The following MYT1L variants were observed in gnomAD, a reference collection of about 807,000 sequenced individuals.
The protein encoded by MYT1L is myelin transcription factor 1-like protein.
In MYT1L, 12 loss-of-function variants were observed where a neutral mutation model predicts 126.7. That is an observed-to-expected ratio of 0.09 (90% confidence interval 0.06 to 0.15). The LOEUF (loss-of-function observed/expected upper bound fraction) is 0.15, where lower values mean the gene tolerates loss of function less well. Ranked by LOEUF, MYT1L falls within the 10% of genes least tolerant of loss-of-function variation. The pLI, the probability that MYT1L is intolerant of heterozygous loss-of-function variation, is 1.00. For synonymous variants in MYT1L, 541 were observed against 604.2 expected, an observed-to-expected ratio of 0.90 and a Z score of 1.53; for missense variants, 979 against 1,585.2, an observed-to-expected ratio of 0.62 and a Z score of 6.49.
chr2:2,063,203 C>A (rs189507762), intron 3 of MYT1L, among the ~76,000 whole-genome samples: 1 of 152,132 alleles, frequency 6.6e-6, no homozygotes, highest in Non-Finnish European at 1.5e-5. Context: ...TAAATGTGTT[C>A]TCATTCAGCA....
chr2:1,874,718 T>C (rs949710828), intron 18 of MYT1L, among the ~76,000 whole-genome samples: 4 of 152,162 alleles, frequency 2.6e-5, no homozygotes, highest in African/African-American at 9.6e-5. Context: ...GCCACCTCCA[T>C]GTGATGCTGC....
rs187448543 is a variant in MYT1L at position 2,217,901 on chromosome 2, T to C, written c.-420-44913A>G. Among the ~76,000 whole-genome samples the C allele has an allele frequency of 1.5e-4, 23 of 152,286 alleles. No individual in the cohort carries two copies. In the East Asian group the frequency reaches 4.4e-3, roughly 29 times the overall value. On this transcript the variant is annotated intron_variant, in intron 2 of 24. Transcript: ENST00000647738. ...AAGATCAGCACCACATTTTTTAAAA[T>C]GAGCAAAAGATCTGAACAGACCTTT...
chr2:1,993,537 A>C lies in MYT1L; in HGVS notation c.-1+3654T>G, dbSNP rs529150276. 2.0e-5 allele frequency among the ~76,000 whole-genome samples: 3 copies of C among 152,286 alleles called. No individual in the cohort carries two copies. In the South Asian group the frequency reaches 6.2e-4, roughly 32 times the overall value. ...TCTATCCATTGAACTCATCTTTTTGAATGGCTGCATAGTATTCCTCAGAAT... is the reference window on the plus strand; with the variant it reads ...TCTATCCATTGAACTCATCTTTTTGCATGGCTGCATAGTATTCCTCAGAAT... On this transcript the variant is annotated intron_variant, in intron 5 of 24. Transcript: ENST00000647738.
intron 2 of MYT1L, among the ~76,000 whole-genome samples, chr2:2,259,700 G>C (rs1170126888): frequency 6.6e-6 from 1 of 152,094 alleles, no homozygotes; most frequent in Non-Finnish European, 1.5e-5. Context: ...ATCCATTCCA[G>C]GGAGTGCTAA....
chr2:2,083,040 A>G (rs1387369962), intron 3 of MYT1L, among the ~76,000 whole-genome samples: 1 of 152,208 alleles, frequency 6.6e-6, no homozygotes, highest in Non-Finnish European at 1.5e-5. Context: ...AGTCACCATG[A>G]GAACCCAGAG....
At chr2:1,924,481 C>A (rs181809615) in intron 9 of MYT1L, among the ~76,000 whole-genome samples, 61 of 152,244 alleles carry the variant, frequency 4.0e-4, no homozygotes, top group Admixed American at 3.4e-3. Flanking sequence ...GGTATATTGA[C>A]CTCTACAAAA....
chr2:2,213,467 T>C (rs1303501828), intron 2 of MYT1L, among the ~76,000 whole-genome samples: 1 of 152,124 alleles, frequency 6.6e-6, no homozygotes, highest in Non-Finnish European at 1.5e-5. Context: ...CACAAGTCTA[T>C]GAGGAGACTG....
chr2:2,259,716 C>G (rs1247004854), intron 2 of MYT1L, among the ~76,000 whole-genome samples: 2 of 152,148 alleles, frequency 1.3e-5, no homozygotes, highest in Non-Finnish European at 2.9e-5. Context: ...GCTAATCCCC[C>G]TGGGATGGAT....
chr2:2,189,843 G>A (rs1007803066), intron 2 of MYT1L, among the ~76,000 whole-genome samples: 1 of 148,768 alleles, frequency 6.7e-6, no homozygotes. Context: ...GACGGCACGG[G>A]GAGAAGCAGC....
intron 4 of MYT1L, among the ~76,000 whole-genome samples, chr2:2,042,892 C>A (rs189144067): frequency 3.9e-5 from 6 of 152,332 alleles, no homozygotes; most frequent in Admixed American, 2.0e-4. Context: ...GCCCTTCCCC[C>A]CTGCTCTTCC....
chr2:2,322,135 C>G (rs953685418), intron 1 of MYT1L, among the ~76,000 whole-genome samples: 1 of 151,622 alleles, frequency 6.6e-6, no homozygotes, highest in Admixed American at 6.6e-5. Flanking sequence ...AGTCAAATAA[C>G]CTTTTGAATA....
intron 2 of MYT1L, among the ~76,000 whole-genome samples, chr2:2,200,048 C>T (rs1018000914): frequency 5.9e-5 from 9 of 152,116 alleles, no homozygotes; most frequent in East Asian, 3.9e-4. Flanking sequence ...CTGGGCCTTA[C>T]GGTTTACAAA....
At chr2:1,817,995 G>C in intron 21 of MYT1L, among the ~76,000 whole-genome samples, 1 of 152,204 alleles carries the variant, frequency 6.6e-6, no homozygotes, top group East Asian at 1.9e-4. Flanking sequence ...GGCCCCAGAC[G>C]TCTGGCACCA....
intron 8 of MYT1L, among the ~76,000 whole-genome samples, chr2:1,978,122 T>C (rs1253390833): frequency 1.3e-5 from 2 of 152,180 alleles, no homozygotes; most frequent in Non-Finnish European, 2.9e-5. Context: ...AATTTGTAAT[T>C]TTTCCTTTGA....
chr2:2,074,701 A>C (rs1282305737), intron 3 of MYT1L, among the ~76,000 whole-genome samples: 3 of 152,194 alleles, frequency 2.0e-5, no homozygotes, highest in Non-Finnish European at 4.4e-5. Context: ...TAAACAGTCC[A>C]GTCTTCTGGA....
intron 21 of MYT1L, among the ~76,000 whole-genome samples, chr2:1,826,406 T>A (rs1312725411): frequency 1.3e-5 from 2 of 152,082 alleles, no homozygotes; most frequent in Non-Finnish European, 2.9e-5. Context: ...CAGGAGGGAA[T>A]CTTCCTGCAA....
At chr2:1,989,157 G>C (rs71402129) in intron 5 of MYT1L, among the ~76,000 whole-genome samples, 1 of 152,080 alleles carries the variant, frequency 6.6e-6, no homozygotes, top group Non-Finnish European at 1.5e-5. Flanking sequence ...GTGTGTGTCA[G>C]GTGGGAACAC....
Position 1,823,995 on chromosome 2 carries a change from G to A in MYT1L, c.3081-14828C>T, listed in dbSNP as rs779839491. 2.4e-4 allele frequency among the ~76,000 whole-genome samples: 32 copies of A among 135,820 alleles called. 1 individual carries two copies. Among genetic ancestry groups the A allele is most frequent in the African/African-American group, 6.8e-4 (22 of 32,324 alleles). The allele number at this position is 135,820 out of a possible 152,430, so 89.1% of individuals were successfully genotyped here. On this transcript the variant is annotated intron_variant, in intron 21 of 24. Transcript: ENST00000647738. ...GGCACGACCCATGGGATGAGGCCGC[G>A]CCTCCCCCCCCAGCGGGGCCGCCGG...
intron 3 of MYT1L, among the ~76,000 whole-genome samples, chr2:2,095,111 GACAAAA>G (rs2077308289): frequency 6.6e-6 from 1 of 152,220 alleles, no homozygotes; most frequent in African/African-American, 2.4e-5. Context: ...CTTTAGTAGA[GACAAAA>G]ACAGAGACCA....
Sources: allele counts gnomAD v4.1 joint callset (sites outside exome capture counted in the v4.1 genomes callset), GRCh38; gene constraint gnomAD v4.1.1; transcripts MANE v1.5; gene names NCBI Gene and HGNC (gene_info 2026-07-23, HGNC 2026-07-21).